Variants in TMEM41B observed in about 807,000 individuals in gnomAD.
TMEM41B encodes protein stasimon.
In TMEM41B, 18 loss-of-function variants were observed where a neutral mutation model predicts 31.9. That is an observed-to-expected ratio of 0.56 (90% confidence interval 0.39 to 0.84). TMEM41B has a LOEUF of 0.84. Ranked by LOEUF, TMEM41B falls within the 40% of genes least tolerant of loss-of-function variation. The pLI is 0.00. For missense variants in TMEM41B, 322 were observed against 348.0 expected (o/e 0.93, Z 0.59); for synonymous variants, 144 against 124.3 (o/e 1.16, Z -1.05).
rs201692217 is a variant in TMEM41B at position 9,283,409 on chromosome 11, A to T, written c.*15T>A. ...GATGGTGATGACAGCAAAACTAAAAATCAGATGATTATTTTTACTCAAATT... is the reference window on the plus strand; with the variant it reads ...GATGGTGATGACAGCAAAACTAAAATTCAGATGATTATTTTTACTCAAATT... On this transcript the variant is annotated 3_prime_UTR_variant, in exon 7 of 7. Transcript: ENST00000528080. 1 of 1,599,760 alleles carries T rather than the reference A, an allele frequency of 6.3e-7. No individual in the cohort carries two copies. The highest frequency in any genetic ancestry group is 1.1e-5 in the South Asian group (1 of 88,798).
chr11:9,299,463 T>G (rs368054634), intron 2 of TMEM41B, 121 bp downstream of exon 2: 4 of 669,436 alleles, frequency 6.0e-6, no homozygotes, highest in South Asian at 1.9e-5. Flanking sequence ...ACTCAACCAA[T>G]CCACCCACCT....
chr11:9,283,341 G>T lies in TMEM41B; in HGVS notation c.*83C>A. The stretch of plus-strand genomic sequence containing the variant: ...ACAAATTCCTTGTTTAATTACTGAA[G>T]AGGTGATTTTAAAACATAAATGGAT... On this transcript the variant is annotated 3_prime_UTR_variant, in exon 7 of 7. Transcript: ENST00000528080. 9.6e-7 allele frequency: 1 copy of T among 1,044,156 alleles called. No homozygotes were observed. Among genetic ancestry groups the T allele is most frequent in the Non-Finnish European group, 1.4e-6 (1 of 726,072 alleles). 64.7% of individuals were successfully genotyped at this position (1,044,156 alleles called of 1,614,324 possible).
At chr11:9,286,816 A>G (rs1479627267) in intron 5 of TMEM41B, among the ~76,000 whole-genome samples, 1 of 151,898 alleles carries the variant, frequency 6.6e-6, no homozygotes, top group Non-Finnish European at 1.5e-5. Flanking sequence ...CCTGGCTAAC[A>G]TGGTGAAACC....
chr11:9,310,734 T>C (rs4300394), intron 1 of TMEM41B, among the ~76,000 whole-genome samples: 48,876 of 146,416 alleles, frequency 0.33, 8,482 homozygotes, highest in Admixed American at 0.43. Context: ...GAATAGGACC[T>C]GAGATAGCAT....
rs900565895 is a variant in TMEM41B at position 9,280,823 on chromosome 11, G to A, written c.*2601C>T. On this transcript the variant is annotated 3_prime_UTR_variant, in exon 7 of 7. Coordinates refer to ENST00000528080, the MANE Select transcript of TMEM41B (RefSeq NM_015012.4). ...ACTCCTAGTTAGCCTGCTTGCCTCCGCACCACAGATGCTTGTCTTCTTGTG... is the reference window on the plus strand; with the variant it reads ...ACTCCTAGTTAGCCTGCTTGCCTCCACACCACAGATGCTTGTCTTCTTGTG... 6.6e-5 allele frequency: 10 copies of A among 152,134 alleles called. No homozygotes were observed. The highest frequency in any genetic ancestry group is 1.7e-4 in the African/African-American group (7 of 41,424). 9.4% of individuals were successfully genotyped at this position (152,134 alleles called of 1,614,324 possible). A position where few individuals can be genotyped will look rare whatever the true frequency, so the allele number is the denominator to read the frequency against.
At chr11:9,286,418 C>T (rs1852838360) in intron 6 of TMEM41B, 37 bp downstream of exon 6, 1 of 1,586,532 alleles carries the variant, frequency 6.3e-7, no homozygotes, top group Non-Finnish European at 8.6e-7. Flanking sequence ...GATATGTACA[C>T]AGTGAGCTCA....
chr11:9,298,775 G>GAAAA (rs35116259), intron 2 of TMEM41B, among the ~76,000 whole-genome samples: 8 of 143,846 alleles, frequency 5.6e-5, no homozygotes, highest in African/African-American at 2.1e-4. Context: ...CTCAAATGAA[G>GAAAA]AAAAAAAAAA....
intron 1 of TMEM41B, among the ~76,000 whole-genome samples, chr11:9,303,344 T>C (rs1355446535): frequency 6.6e-6 from 1 of 152,184 alleles, no homozygotes; most frequent in Non-Finnish European, 1.5e-5. Context: ...TTCACCATGT[T>C]AGCCAGGCTG....
intron 1 of TMEM41B, among the ~76,000 whole-genome samples, chr11:9,307,351 CTT>C (rs1564968059): frequency 6.6e-6 from 1 of 152,092 alleles, no homozygotes; most frequent in African/African-American, 2.4e-5. Flanking sequence ...CAGAAATAAA[CTT>C]TATTTCAACG....
intron 2 of TMEM41B, 79 bp from the exon 3 acceptor site, chr11:9,295,466 T>C: frequency 1.3e-6 from 1 of 789,266 alleles, no homozygotes; most frequent in Non-Finnish European, 2.1e-6. Context: ...CATGAAGTTT[T>C]ATCCAAAATG....
At chr11:9,309,051 C>T (rs1853467627) in intron 1 of TMEM41B, among the ~76,000 whole-genome samples, 1 of 152,084 alleles carries the variant, frequency 6.6e-6, no homozygotes, top group East Asian at 1.9e-4. Context: ...AGTTCAAGAC[C>T]AGCCTGGCCA....
chr11:9,314,242 G>A (rs572536743), intron 1 of TMEM41B, 79 bp downstream of exon 1: 2 of 1,467,566 alleles, frequency 1.4e-6, no homozygotes, highest in Non-Finnish European at 1.8e-6. Flanking sequence ...GACTCTCCGA[G>A]AATAGCGGGG....
chr11:9,300,775 G>A (rs1364935771), intron 1 of TMEM41B, among the ~76,000 whole-genome samples: 1 of 151,982 alleles, frequency 6.6e-6, no homozygotes, highest in African/African-American at 2.4e-5. Context: ...CTACTCGGGA[G>A]GCTGAGGCAG....
chr11:9,299,169 T>C (rs1173320961), intron 2 of TMEM41B, among the ~76,000 whole-genome samples: 1 of 150,564 alleles, frequency 6.6e-6, no homozygotes, highest in Non-Finnish European at 1.5e-5. Context: ...TAATCCCAGC[T>C]ACTCGAGAGG....
chr11:9,288,550 G>A lies in TMEM41B; in HGVS notation c.369-15C>T. 1.3e-6 allele frequency: 2 copies of A among 1,527,716 alleles called. No individual in the cohort carries two copies. Among genetic ancestry groups the A allele is most frequent in the South Asian group, 1.3e-5 (1 of 79,172 alleles). The allele number at this position is 1,527,716 out of a possible 1,614,324, so 94.6% of individuals were successfully genotyped here. On this transcript the variant is annotated splice_polypyrimidine_tract_variant and intron_variant, in intron 3 of 6. Transcript: ENST00000528080. ...ATGTTTGCAAGCTGGTAACTTTTAA[G>A]TTAAGGATTAGAATATAATTAAGTA... is the stretch of plus-strand genomic sequence containing the variant.
At chr11:9,308,542 C>T (rs1370017312) in intron 1 of TMEM41B, among the ~76,000 whole-genome samples, 4 of 152,108 alleles carry the variant, frequency 2.6e-5, no homozygotes, top group Admixed American at 6.6e-5. Context: ...GACTGAAATC[C>T]TTATTCTTTC....
chr11:9,308,890 T>C (rs903309494), intron 1 of TMEM41B, among the ~76,000 whole-genome samples: 2 of 152,170 alleles, frequency 1.3e-5, no homozygotes, highest in Admixed American at 6.6e-5. Context: ...TTAGCTTACC[T>C]GAAGCTTCAA....
Position 9,281,541 on chromosome 11 carries a change from C to T in TMEM41B, c.*1883G>A, listed in dbSNP as rs1267732568. 6.6e-6 allele frequency: 1 copy of T among 152,190 alleles called. No homozygotes were observed. Among genetic ancestry groups the T allele is most frequent in the Admixed American group, 6.6e-5 (1 of 15,260 alleles). The allele number at this position is 152,190 out of a possible 1,614,324, so 9.4% of individuals were successfully genotyped here. On this transcript the variant is annotated 3_prime_UTR_variant, in exon 7 of 7. Transcript: ENST00000528080. ...AATAAAAACATACAAGGATTTCTCA[C>T]AGCTAAAGTACTTTTCAACTTTGAC...
intron 1 of TMEM41B, among the ~76,000 whole-genome samples, chr11:9,301,965 C>T (rs951618244): frequency 6.6e-6 from 1 of 151,240 alleles, no homozygotes; most frequent in Non-Finnish European, 1.5e-5. Flanking sequence ...ATTTCTTGCT[C>T]ATAAATGCCA....
Sources: allele counts gnomAD v4.1 joint callset (sites outside exome capture counted in the v4.1 genomes callset), GRCh38; gene constraint gnomAD v4.1.1; transcripts MANE v1.5; gene names NCBI Gene and HGNC (gene_info 2026-07-23, HGNC 2026-07-21).